The following DCBLD2 variants were observed in gnomAD, a reference collection of about 807,000 sequenced individuals.
The protein encoded by DCBLD2 is discoidin, CUB and LCCL domain-containing protein 2.
In DCBLD2, 54 loss-of-function variants were observed where a neutral mutation model predicts 86.8. The observed-to-expected ratio is 0.62, with a 90% CI of 0.50 to 0.78. The LOEUF (loss-of-function observed/expected upper bound fraction) is 0.78, where lower values mean the gene tolerates loss of function less well. DCBLD2 is among the 30% of genes least tolerant of loss of function. The pLI, the probability that DCBLD2 is intolerant of heterozygous loss-of-function variation, is 0.00. For synonymous variants in DCBLD2, 354 were observed against 341.3 expected (o/e 1.04, Z -0.41); for missense variants, 908 against 954.2 (o/e 0.95, Z 0.64).
chr3:98,837,916 GT>G (rs1224304244), intron 3 of DCBLD2, among the ~76,000 whole-genome samples: 18 of 102,316 alleles, frequency 1.8e-4, no homozygotes, highest in East Asian at 3.2e-4. Context: ...CCGGGTGGGG[GT>G]GCTGACCCCC....
intron 2 of DCBLD2, among the ~76,000 whole-genome samples, chr3:98,862,849 T>C (rs1275839410): frequency 3.3e-5 from 5 of 152,148 alleles, no homozygotes; most frequent in African/African-American, 7.2e-5. Flanking sequence ...CTATTTCATA[T>C]AGTATTGGAA....
chr3:98,822,623 A>C (rs1942144509), intron 5 of DCBLD2, 46 bp downstream of exon 5: 1 of 1,508,866 alleles, frequency 6.6e-7, no homozygotes. Context: ...GTTCTAAAAA[A>C]ATAGAGTTAT....
intron 3 of DCBLD2, among the ~76,000 whole-genome samples, chr3:98,835,921 T>C (rs13060521): frequency 2.5e-3 from 211 of 84,562 alleles, no homozygotes; most frequent in South Asian, 0.015. Flanking sequence ...TTTCTTTCTT[T>C]CTTCCTTCCT....
chr3:98,899,914 T>C (rs1280844990), intron 1 of DCBLD2, among the ~76,000 whole-genome samples: 1 of 152,124 alleles, frequency 6.6e-6, no homozygotes, highest in Non-Finnish European at 1.5e-5. Context: ...GGGAAATACA[T>C]CTCTACAGTG....
chr3:98,799,385 T>G lies in DCBLD2; in HGVS notation c.2315A>C (p.Lys772Thr). 2 of 1,606,996 alleles carry G rather than the reference T, an allele frequency of 1.2e-6. No homozygotes were observed. Among genetic ancestry groups the G allele is most frequent in the Non-Finnish European group, 1.7e-6 (2 of 1,175,364 alleles). ...GCAGCATCATCTTCAAAGGATTTCT[T>G]TAAAAACATCACATTCCCCATCCCT... is the stretch of plus-strand genomic sequence containing the variant. Reference protein sequence around the residue: ...AGRDGECDVFKEIL With the variant: ...AGRDGECDVFTEIL The change falls in exon 16 of 16, where the codon AAA (lysine) becomes ACA (threonine). Residue 772 changes from lysine (K) to threonine (T), a missense_variant. This residue lies in a region of DCBLD2 where 606 missense variants were observed against 678.5 expected (regional missense o/e 0.89). Transcript: ENST00000326840.
rs1330226499 is a variant in DCBLD2, at chr3:98,811,323, T to C, written c.1451-4A>G. 6.2e-7 allele frequency: 1 copy of C among 1,610,096 alleles called. No individual in the cohort carries two copies. Among genetic ancestry groups the C allele is most frequent in the South Asian group, 1.1e-5 (1 of 90,194 alleles). ...TGCGTAAATTTTGGGGCACGACCTT[T>C]AAAAAAGTTTCAAAAGCTCTTTACT... On this transcript the variant is annotated splice_region_variant and splice_polypyrimidine_tract_variant and intron_variant, in intron 11 of 15. Coordinates refer to ENST00000326840, the MANE Select transcript of DCBLD2 (RefSeq NM_080927.4).
At chr3:98,838,804 G>A (rs1445067648) in intron 3 of DCBLD2, among the ~76,000 whole-genome samples, 2 of 152,264 alleles carry the variant, frequency 1.3e-5, no homozygotes, top group East Asian at 1.9e-4. Context: ...CGGCACCTCG[G>A]GAGGCTGAGG....
At position 98,812,536 on chromosome 3, in the gene DCBLD2, A is replaced by C. The variant is rs144446888; in HGVS notation, c.1213-54T>G. On this transcript the variant is annotated intron_variant, in intron 9 of 15. Coordinates refer to ENST00000326840, the MANE Select transcript of DCBLD2 (RefSeq NM_080927.4). Reference sequence around the variant, plus strand: ...TTCAAATCAATAGAGGTCAGGGCTAAATTTCTCCACTTAAACATGTTTTTG... The same window carrying C: ...TTCAAATCAATAGAGGTCAGGGCTACATTTCTCCACTTAAACATGTTTTTG... 2,223 of 1,511,766 alleles carry C rather than the reference A, an allele frequency of 1.5e-3. 39 individuals are homozygous for C. The African/African-American group carries it at 0.028, about 19-fold the overall frequency. The allele number at this position is 1,511,766 out of a possible 1,614,324, so 93.6% of individuals were successfully genotyped here. A position where few individuals can be genotyped will look rare whatever the true frequency, so the allele number is the denominator to read the frequency against.
chr3:98,848,382 T>C (rs1477318422), intron 3 of DCBLD2, among the ~76,000 whole-genome samples: 1 of 150,528 alleles, frequency 6.6e-6, no homozygotes, highest in Non-Finnish European at 1.5e-5. Context: ...CTGATGGGCA[T>C]TTAAGGTGAT....
At chr3:98,803,469 A>T (rs1156240194) in intron 13 of DCBLD2, among the ~76,000 whole-genome samples, 1 of 152,240 alleles carries the variant, frequency 6.6e-6, no homozygotes, top group African/African-American at 2.4e-5. Flanking sequence ...TTTTCTAAAT[A>T]TACAATCATG....
At chr3:98,828,540 TAAAA>T (rs576822067) in intron 3 of DCBLD2, among the ~76,000 whole-genome samples, 1 of 151,842 alleles carries the variant, frequency 6.6e-6, no homozygotes, top group Non-Finnish European at 1.5e-5. Flanking sequence ...ATGGCGAAAA[TAAAA>T]AAGACATAAC....
intron 2 of DCBLD2, among the ~76,000 whole-genome samples, chr3:98,877,850 G>A (rs1943397621): frequency 6.6e-6 from 1 of 152,082 alleles, no homozygotes; most frequent in Non-Finnish European, 1.5e-5. Flanking sequence ...CATCACCAAA[G>A]GACATAGGAG....
In DCBLD2 at chr3:98,799,551, T is replaced by C. The variant is rs975783434; in HGVS notation, c.2149A>G (p.Thr717Ala). 3 of 1,613,740 alleles carry C rather than the reference T, an allele frequency of 1.9e-6. No individual in the cohort carries two copies. The highest frequency in any genetic ancestry group is 2.5e-6 in the Non-Finnish European group (3 of 1,179,856). The change falls in exon 16 of 16, where the codon ACA becomes GCA. Residue 717 changes from threonine to alanine, a missense_variant. Transcript: ENST00000326840. ...CAGCTGTCAGTCCTGGAGAGAAGTGTATTGTAAGTTCCCACTAGTGGGGGA... is the reference window on the plus strand; with the variant it reads ...CAGCTGTCAGTCCTGGAGAGAAGTGCATTGTAAGTTCCCACTAGTGGGGGA... ...QPPPLVGTYN[T>A]LLSRTDSCSS...
intron 3 of DCBLD2, among the ~76,000 whole-genome samples, chr3:98,841,104 T>C (rs1942612057): frequency 6.6e-6 from 1 of 151,906 alleles, no homozygotes; most frequent in South Asian, 2.1e-4. Context: ...ATAAAAAGAG[T>C]TTCTATCCTT....
chr3:98,898,710 C>T (rs1943793011), intron 1 of DCBLD2, among the ~76,000 whole-genome samples: 1 of 151,742 alleles, frequency 6.6e-6, no homozygotes, highest in Non-Finnish European at 1.5e-5. Context: ...ATCAGTAGAC[C>T]CTAAAGAACA....
chr3:98,807,843 T>C (rs1941867166), intron 13 of DCBLD2: 2 of 266,928 alleles, frequency 7.5e-6, no homozygotes, highest in Middle Eastern at 1.1e-3. Context: ...AAATTGTTCA[T>C]ATTAATGTAC....
rs548217054 is a variant in DCBLD2, at chr3:98,873,608, T to C, written c.433+7932A>G. 5.8e-4 allele frequency among the ~76,000 whole-genome samples: 89 copies of C among 152,188 alleles called. 1 individual carries two copies. The South Asian group carries it at 0.014, about 24-fold the overall frequency. ...AATTGACCCATATTAATCAGTGATA[T>C]CATTCTTAAGGATGTGATCAAAGTA... On this transcript the variant is annotated intron_variant, in intron 2 of 15. Transcript: ENST00000326840.
chr3:98,836,619 A>T (rs1238168991), intron 3 of DCBLD2, among the ~76,000 whole-genome samples: 1 of 122,358 alleles, frequency 8.2e-6, no homozygotes, highest in African/African-American at 3.0e-5. Flanking sequence ...CACACCTCCC[A>T]GACGGGGCGG....
intron 4 of DCBLD2, among the ~76,000 whole-genome samples, chr3:98,823,885 G>A (rs1343976806): frequency 6.6e-6 from 1 of 152,118 alleles, no homozygotes; most frequent in Non-Finnish European, 1.5e-5. Context: ...GCAGGACTCT[G>A]TACCGCCCCC....
Sources: allele counts gnomAD v4.1 joint callset (sites outside exome capture counted in the v4.1 genomes callset), GRCh38; gene constraint gnomAD v4.1.1; regional missense constraint gnomAD v4.1.1; transcripts MANE v1.5; gene names NCBI Gene and HGNC (gene_info 2026-07-23, HGNC 2026-07-21).